VAV3: variants seen among roughly 807,000 people sequenced by gnomAD.
VAV3 encodes vav guanine nucleotide exchange factor 3, also known as guanine nucleotide exchange factor VAV3.
A neutral mutation model predicts 131.2 loss-of-function variants in VAV3; 94 were observed. The observed-to-expected ratio is 0.72, with a 90% confidence interval of 0.61 to 0.85. The LOEUF (loss-of-function observed/expected upper bound fraction) is 0.85, where lower values mean the gene tolerates loss of function less well. VAV3 is among the 40% of genes least tolerant of loss of function. VAV3 has a pLI of 0.00. For synonymous variants in VAV3, 349 were observed against 342.0 expected, an observed-to-expected ratio of 1.02 and a Z score of -0.22; for missense variants, 939 against 1,002.7, an observed-to-expected ratio of 0.94 and a Z score of 0.86.
intron 2 of VAV3, among the ~76,000 whole-genome samples, chr1:107,813,530 C>T (rs191106252): frequency 1.3e-5 from 2 of 152,146 alleles, no homozygotes; most frequent in African/African-American, 2.4e-5. Flanking sequence ...ATTTTGTTAC[C>T]ACCATAGAAT....
At chr1:107,705,626 A>G (rs897416811) in intron 15 of VAV3, among the ~76,000 whole-genome samples, 3 of 152,150 alleles carry the variant, frequency 2.0e-5, no homozygotes, top group Admixed American at 1.3e-4. Flanking sequence ...TAATTTTACC[A>G]TTTATTTTAT....
intron 19 of VAV3, among the ~76,000 whole-genome samples, chr1:107,664,377 T>G (rs189135886): frequency 6.6e-6 from 1 of 152,042 alleles, no homozygotes; most frequent in Non-Finnish European, 1.5e-5. Context: ...CCAGTGTGTG[T>G]TGTTCCTCGC....
intron 15 of VAV3, among the ~76,000 whole-genome samples, chr1:107,738,203 CTGGGGTGAGGGAA>C (rs1196466931): frequency 6.6e-6 from 1 of 151,998 alleles, no homozygotes; most frequent in Non-Finnish European, 1.5e-5. Flanking sequence ...TGGGGCCCAT[CTGGGGTGAGGGAA>C]TGGGGGAGGG....
At chr1:107,591,534 C>G (rs906669612) in intron 25 of VAV3, among the ~76,000 whole-genome samples, 1 of 152,140 alleles carries the variant, frequency 6.6e-6, no homozygotes, top group South Asian at 2.1e-4. Context: ...GTGTTCCACA[C>G]GTCCTGAAAT....
intron 1 of VAV3, among the ~76,000 whole-genome samples, chr1:107,954,519 A>G (rs984486525): frequency 6.2e-5 from 9 of 145,616 alleles, no homozygotes; most frequent in Admixed American, 2.9e-4. Flanking sequence ...ATCCAGATTC[A>G]GTATCCTGAG....
At position 107,688,564 on chromosome 1, in the gene VAV3, A is replaced by G. The variant is rs1570756735; in HGVS notation, c.1706-158T>C. The G allele has an allele frequency of 7.3e-6, 11 of 1,504,464 alleles. No homozygotes were observed. In the East Asian group the frequency reaches 2.5e-4, roughly 34 times the overall value. 93.2% of individuals were successfully genotyped at this position (1,504,464 alleles called of 1,614,324 possible). A position where few individuals can be genotyped will look rare whatever the true frequency, so the allele number is the denominator to read the frequency against. ...GGTCCCTCAGGCTGGGCTAGTAATT[A>G]TTTTGCAACCTTGGTTCTCTTACCC... On this transcript the variant is annotated intron_variant, in intron 17 of 26. Coordinates refer to ENST00000370056, the MANE Select transcript of VAV3 (RefSeq NM_006113.5).
intron 2 of VAV3, among the ~76,000 whole-genome samples, chr1:107,828,203 C>T (rs1668095076): frequency 6.6e-6 from 1 of 152,146 alleles, no homozygotes; most frequent in Non-Finnish European, 1.5e-5. Context: ...GGGTGGCTCT[C>T]TTTACCTGTT....
intron 22 of VAV3, among the ~76,000 whole-genome samples, chr1:107,604,164 G>T (rs1337520778): frequency 6.6e-6 from 1 of 152,162 alleles, no homozygotes; most frequent in African/African-American, 2.4e-5. Context: ...ATTCTGTTTA[G>T]ATTGGTTCTC....
intron 3 of VAV3, among the ~76,000 whole-genome samples, chr1:107,778,238 C>A (rs1386931106): frequency 2.0e-5 from 3 of 151,980 alleles, no homozygotes; most frequent in African/African-American, 4.8e-5. Flanking sequence ...CTAGGTTTTT[C>A]AAATAAATCA....
chr1:107,611,675 G>A (rs1478991414), intron 21 of VAV3, among the ~76,000 whole-genome samples: 1 of 151,610 alleles, frequency 6.6e-6, no homozygotes, highest in Non-Finnish European at 1.5e-5. Context: ...TATTCTGGCT[G>A]TGGACTCCTT....
At chr1:107,742,349 A>C (rs1663073039) in intron 15 of VAV3, among the ~76,000 whole-genome samples, 1 of 152,230 alleles carries the variant, frequency 6.6e-6, no homozygotes, top group African/African-American at 2.4e-5. Flanking sequence ...CAACAGGGAC[A>C]AGATCCCTGC....
chr1:107,752,801 G>A (rs1663818154), intron 12 of VAV3, among the ~76,000 whole-genome samples: 1 of 152,170 alleles, frequency 6.6e-6, no homozygotes, highest in African/African-American at 2.4e-5. Flanking sequence ...ACCGAATAGT[G>A]AGTGTTGGTA....
At chr1:107,676,961 G>A (rs1404257249) in intron 19 of VAV3, among the ~76,000 whole-genome samples, 3 of 152,068 alleles carry the variant, frequency 2.0e-5, no homozygotes, top group African/African-American at 7.2e-5. Context: ...CAAAGGCAGA[G>A]GAACTTCCAC....
In VAV3 at chr1:107,574,110, A is replaced by G; in HGVS notation, c.2439T>C (p.Asp813=). The G allele has an allele frequency of 6.2e-7, 1 of 1,614,118 alleles. No individual in the cohort carries two copies. The highest frequency in any genetic ancestry group is 1.1e-5 in the South Asian group (1 of 91,036). The change falls in exon 26 of 27, where the codon GAT becomes GAC. Residue 813 remains aspartate (D), a synonymous_variant. Coordinates refer to ENST00000370056, the MANE Select transcript of VAV3 (RefSeq NM_006113.5). ...TCATCTTTGTGTAAATCTTCACCACATCTCCTTTCAACAAGGACAACTCTC... is the reference window on the plus strand; with the variant it reads ...TCATCTTTGTGTAAATCTTCACCACGTCTCCTTTCAACAAGGACAACTCTC... The part of the protein sequence containing the change: ...DMRELSLLKG[D]VVKIYTKMSA...
chr1:107,596,397 C>A, intron 24 of VAV3, 56 bp from the exon 25 acceptor site: 1 of 1,586,724 alleles, frequency 6.3e-7, no homozygotes, highest in South Asian at 1.1e-5. Flanking sequence ...TTCTCAAACA[C>A]ATGAACTCCT....
chr1:107,863,149 T>C (rs970599039), intron 2 of VAV3, among the ~76,000 whole-genome samples: 3 of 152,222 alleles, frequency 2.0e-5, no homozygotes, highest in Non-Finnish European at 4.4e-5. Context: ...TGCTCCATTA[T>C]TTCCCTTGCA....
intron 1 of VAV3, among the ~76,000 whole-genome samples, chr1:107,918,154 A>G (rs930555152): frequency 1.3e-5 from 2 of 152,242 alleles, no homozygotes; most frequent in African/African-American, 4.8e-5. Context: ...CCGAACATAC[A>G]GTGTGAAAAG....
At chr1:107,658,277 C>T (rs1570699746) in intron 19 of VAV3, among the ~76,000 whole-genome samples, 1 of 152,190 alleles carries the variant, frequency 6.6e-6, no homozygotes, top group Non-Finnish European at 1.5e-5. Context: ...AGGACATGAA[C>T]TCATCATTCC....
chr1:107,947,594 A>G (rs181381904), intron 1 of VAV3, among the ~76,000 whole-genome samples: 2 of 152,328 alleles, frequency 1.3e-5, no homozygotes, highest in Non-Finnish European at 2.9e-5. Flanking sequence ...CATAAGAAAG[A>G]AAATTAATAT....
Sources: gnomAD v4.1 joint callset for allele counts (sites outside exome capture counted in the v4.1 genomes callset) on GRCh38, gnomAD v4.1.1 for gene constraint, MANE v1.5 for transcripts, NCBI Gene and HGNC (gene_info 2026-07-23, HGNC 2026-07-21) for gene names.